NEMP2: variants seen among roughly 807,000 people sequenced by gnomAD.
NEMP2 encodes the protein nuclear envelope integral membrane protein 2.
Under a neutral mutation model 54.2 loss-of-function variants are expected in NEMP2, and 53 were observed. The observed-to-expected ratio is 0.98, with a 90% CI of 0.78 to 1.23. NEMP2 has a LOEUF of 1.23. NEMP2 is among the 50% of genes most tolerant of loss of function. NEMP2 has a pLI of 0.00. For synonymous variants in NEMP2, 197 were observed against 190.3 expected (o/e 1.04, Z -0.29); for missense variants, 455 against 511.3 (o/e 0.89, Z 1.06).
At chr2:190,475,195 G>C in the NEMP2 span, among the ~76,000 whole-genome samples, 3 of 152,158 alleles carry the variant, frequency 2.0e-5, no homozygotes, top group African/African-American at 7.2e-5. Flanking sequence ...ATTCAACATA[G>C]TGTTGGAAGT....
chr2:190,447,474 C>A, the NEMP2 span, among the ~76,000 whole-genome samples: 1 of 152,114 alleles, frequency 6.6e-6, no homozygotes, highest in Non-Finnish European at 1.5e-5. The surrounding 1 kb of genome is among the most constrained non-coding windows in gnomAD (Gnocchi z 4.5). Context: ...GACACATAGG[C>A]CCTATCTTAT....
chr2:190,547,470 GATAAC>G, the NEMP2 span, among the ~76,000 whole-genome samples: 1 of 152,258 alleles, frequency 6.6e-6, no homozygotes, highest in Admixed American at 6.5e-5. This position sits in a 1 kb window ranked among gnomAD's most constrained non-coding sequence, Gnocchi z 6.2. Context: ...AGTAGATTGA[GATAAC>G]ATCTTTATTT....
chr2:190,597,197 T>C, the NEMP2 span, among the ~76,000 whole-genome samples: 8 of 149,888 alleles, frequency 5.3e-5, no homozygotes, highest in Non-Finnish European at 1.2e-4. The surrounding 1 kb of genome is among the most constrained non-coding windows in gnomAD (Gnocchi z 4.7). Flanking sequence ...CCTGGGGAGT[T>C]GAGGCTGCAG....
the NEMP2 span, among the ~76,000 whole-genome samples, chr2:190,468,629 T>C: frequency 6.6e-6 from 1 of 150,846 alleles, no homozygotes; most frequent in South Asian, 2.1e-4. Flanking sequence ...ATTTTTTTTT[T>C]TTTTTTTTTG....
the NEMP2 span, among the ~76,000 whole-genome samples, chr2:190,632,916 A>G: frequency 6.6e-6 from 1 of 152,188 alleles, no homozygotes; most frequent in East Asian, 1.9e-4. The surrounding 1 kb of genome is among the most constrained non-coding windows in gnomAD (Gnocchi z 4.8). Context: ...GCTGTAGAGG[A>G]CTCTTGTCCT....
At chr2:190,471,276 C>T in the NEMP2 span, among the ~76,000 whole-genome samples, 1 of 152,152 alleles carries the variant, frequency 6.6e-6, no homozygotes, top group African/African-American at 2.4e-5. This position sits in a 1 kb window ranked among gnomAD's most constrained non-coding sequence, Gnocchi z 4.7. Flanking sequence ...TGAGCGTGAG[C>T]TGAAGCAGGG....
In NEMP2 at chr2:190,518,845, T is replaced by C. The variant is rs757633948; in HGVS notation, c.446-37A>G. 2.6e-6 allele frequency: 4 copies of C among 1,525,358 alleles called. No homozygotes were observed. The South Asian group carries it at 5.1e-5, about 19-fold the overall frequency. 94.5% of individuals were successfully genotyped at this position (1,525,358 alleles called of 1,614,324 possible). The stretch of plus-strand genomic sequence containing the variant: ...AAGACACACAAACACATAACAAAGA[T>C]TTTTTATCAATGTAATGTTGGTAAA... On this transcript the variant is annotated intron_variant, in intron 3 of 8. Coordinates refer to ENST00000409150, the MANE Select transcript of NEMP2 (RefSeq NM_001142645.2).
chr2:190,443,236 G>A, the NEMP2 span, among the ~76,000 whole-genome samples: 4 of 152,258 alleles, frequency 2.6e-5, no homozygotes, highest in South Asian at 4.1e-4. This position sits in a 1 kb window ranked among gnomAD's most constrained non-coding sequence, Gnocchi z 4.2. Context: ...TGGTGGTTAC[G>A]AGCAGAGGCT....
intron 1 of NEMP2, chr2:190,534,219 T>C (rs992226169): frequency 3.7e-6 from 4 of 1,079,742 alleles, no homozygotes; most frequent in Admixed American, 5.2e-5. Context: ...GAGACTAGGG[T>C]CAGCTGTGCC....
At chr2:190,549,636 T>C in the NEMP2 span, among the ~76,000 whole-genome samples, 2 of 152,184 alleles carry the variant, frequency 1.3e-5, no homozygotes, top group South Asian at 2.1e-4. Context: ...ACTTTTTTTT[T>C]CCTGAAGCTC....
At chr2:190,537,013 G>C (rs1438824026), upstream of NEMP2, among the ~76,000 whole-genome samples, 1 of 152,156 alleles carries the variant, frequency 6.6e-6, no homozygotes, top group Admixed American at 6.5e-5. Flanking sequence ...AAAAAGCAGA[G>C]AGGAGAAAAA....
At chr2:190,462,539 G>A in the NEMP2 span, among the ~76,000 whole-genome samples, 2 of 152,190 alleles carry the variant, frequency 1.3e-5, no homozygotes, top group African/African-American at 4.8e-5. The surrounding 1 kb of genome is among the most constrained non-coding windows in gnomAD (Gnocchi z 5.7). Flanking sequence ...CTCTTTTTGA[G>A]TACAAAGAGG....
the NEMP2 span, among the ~76,000 whole-genome samples, chr2:190,483,963 T>G: frequency 6.6e-6 from 1 of 152,118 alleles, no homozygotes; most frequent in African/African-American, 2.4e-5. Context: ...TGTGGATATA[T>G]CTCTTGATTT....
chr2:190,469,273 G>T, the NEMP2 span, among the ~76,000 whole-genome samples: 3 of 152,040 alleles, frequency 2.0e-5, no homozygotes, highest in African/African-American at 7.2e-5. This position sits in a 1 kb window ranked among gnomAD's most constrained non-coding sequence, Gnocchi z 5.3. Context: ...AAACTGCTTG[G>T]TATCTTGGGT....
At chr2:190,561,173 C>T in the NEMP2 span, among the ~76,000 whole-genome samples, 1 of 152,136 alleles carries the variant, frequency 6.6e-6, no homozygotes, top group Admixed American at 6.5e-5. The surrounding 1 kb of genome is among the most constrained non-coding windows in gnomAD (Gnocchi z 5.4). Context: ...GGCCTTCCCT[C>T]CTCTCCTAGA....
At chr2:190,598,597 T>G in the NEMP2 span, among the ~76,000 whole-genome samples, 1 of 152,244 alleles carries the variant, frequency 6.6e-6, no homozygotes, top group Non-Finnish European at 1.5e-5. Context: ...TGCAAACTAC[T>G]TTGAGGCATT....
At position 190,524,225 on chromosome 2, in the gene NEMP2, A is replaced by C. The variant is rs192631680; in HGVS notation, c.213+1038T>G. On this transcript the variant is annotated intron_variant, in intron 2 of 8. Coordinates refer to ENST00000409150, the MANE Select transcript of NEMP2 (RefSeq NM_001142645.2). Reference sequence around the variant, plus strand: ...GGAGTGAGTCCCAGTCTCAAAAAAAACAGGACAGATATAAAAAATCAACAT... The same window carrying C: ...GGAGTGAGTCCCAGTCTCAAAAAAACCAGGACAGATATAAAAAATCAACAT... Among the ~76,000 whole-genome samples the C allele has an allele frequency of 3.2e-3, 482 of 152,162 alleles. 1 individual carries two copies. Among genetic ancestry groups the C allele is most frequent in the Admixed American group, 8.3e-3 (127 of 15,288 alleles).
chr2:190,533,028 A>G lies in NEMP2; in HGVS notation c.97+1531T>C, dbSNP rs756550301. ...TCTTTGATTAACAAAGCAGAGAAGC[A>G]GGCTGTTACTATTATACTAAATGCG... On this transcript the variant is annotated intron_variant, in intron 1 of 8. Coordinates refer to ENST00000409150, the MANE Select transcript of NEMP2 (RefSeq NM_001142645.2). This position sits in a 1 kb window ranked among gnomAD's most constrained non-coding sequence, Gnocchi z 4.3. 1.3e-5 allele frequency among the ~76,000 whole-genome samples: 2 copies of G among 152,390 alleles called. No homozygotes were observed. Among genetic ancestry groups the G allele is most frequent in the Non-Finnish European group, 2.9e-5 (2 of 68,036 alleles).
the NEMP2 span, among the ~76,000 whole-genome samples, chr2:190,435,067 C>G: frequency 1.3e-5 from 2 of 152,150 alleles, no homozygotes; most frequent in Admixed American, 1.3e-4. Context: ...CAAAACCAAC[C>G]CCCCTCTCCA....
Sources: allele counts gnomAD v4.1 joint callset (sites outside exome capture counted in the v4.1 genomes callset), GRCh38; gene constraint gnomAD v4.1.1; non-coding constraint Gnocchi (gnomAD v3.1); transcripts MANE v1.5; gene names NCBI Gene and HGNC (gene_info 2026-07-23, HGNC 2026-07-21).